ATOH8: variants seen among roughly 807,000 people sequenced by gnomAD.
ATOH8 encodes the protein transcription factor ATOH8.
Under a neutral mutation model 21.2 loss-of-function variants are expected in ATOH8, and 9 were observed. That is an observed-to-expected ratio of 0.42 (90% confidence interval 0.26 to 0.74). The LOEUF (loss-of-function observed/expected upper bound fraction) is 0.74, where lower values mean the gene tolerates loss of function less well. Ranked by LOEUF, ATOH8 falls within the 30% of genes least tolerant of loss-of-function variation. The probability of loss-of-function intolerance (pLI) is 0.24; values close to 1 mark genes in which losing one functional copy is unlikely to be tolerated. For missense variants in ATOH8, 524 were observed against 470.9 expected, an observed-to-expected ratio of 1.11 and a Z score of -1.04; for synonymous variants, 253 against 224.0, an observed-to-expected ratio of 1.13 and a Z score of -1.16.
chr2:85,781,721 A>G (rs1039908770), intron 2 of ATOH8, among the ~76,000 whole-genome samples: 15 of 151,600 alleles, frequency 9.9e-5, no homozygotes, highest in African/African-American at 3.4e-4. Context: ...ACAAAAGATA[A>G]AAAAAAACTA....
intron 2 of ATOH8, among the ~76,000 whole-genome samples, chr2:85,775,587 C>T (rs541048229): frequency 2.0e-4 from 30 of 152,310 alleles, no homozygotes; most frequent in African/African-American, 7.0e-4. Flanking sequence ...TGATCTTTGC[C>T]TCATGGCTGC....
At chr2:85,757,616 G>T (rs1011223857) in intron 1 of ATOH8, among the ~76,000 whole-genome samples, 6 of 152,150 alleles carry the variant, frequency 3.9e-5, no homozygotes, top group African/African-American at 1.2e-4. Flanking sequence ...GCATTGAGTT[G>T]TTCCTCCCCT....
intron 2 of ATOH8, among the ~76,000 whole-genome samples, chr2:85,777,426 G>A (rs908177714): frequency 2.0e-5 from 3 of 152,142 alleles, no homozygotes; most frequent in African/African-American, 7.2e-5. Context: ...AGAAATAGAC[G>A]CATGATAAAG....
At chr2:85,778,481 A>C (rs1348004335) in intron 2 of ATOH8, among the ~76,000 whole-genome samples, 2 of 152,294 alleles carry the variant, frequency 1.3e-5, no homozygotes, top group East Asian at 3.9e-4. Flanking sequence ...CATGGAACGC[A>C]CACTGTTTTT....
Position 85,785,471 on chromosome 2 carries a change from C to G in ATOH8, c.961-1414C>G, listed in dbSNP as rs892183460. On this transcript the variant is annotated intron_variant, in intron 2 of 2. Coordinates refer to ENST00000306279, the MANE Select transcript of ATOH8 (RefSeq NM_032827.7). This position sits in a 1 kb window ranked among gnomAD's most constrained non-coding sequence, Gnocchi z 4.1. ...GAGCCACTATTAGCTGGAGAGCACT[C>G]CCTCCCTCTGGCCCGGCTCCCTCGC... 6.6e-6 allele frequency among the ~76,000 whole-genome samples: 1 copy of G among 152,238 alleles called. No homozygotes were observed. Among genetic ancestry groups the G allele is most frequent in the Non-Finnish European group, 1.5e-5 (1 of 68,048 alleles).
At chr2:85,777,161 G>A (rs1680351171) in intron 2 of ATOH8, among the ~76,000 whole-genome samples, 2 of 152,216 alleles carry the variant, frequency 1.3e-5, no homozygotes, top group Admixed American at 6.5e-5. Context: ...ATAAAACAGA[G>A]GCCCCACCCT....
At position 85,789,850 on chromosome 2, in the gene ATOH8, A is replaced by G. The variant is rs1370544; in HGVS notation, c.*2960A>G. Among the ~76,000 whole-genome samples the G allele has an allele frequency of 0.073, 11,041 of 152,040 alleles. 1,349 individuals are homozygous for G. The highest frequency in any genetic ancestry group is 0.25 in the African/African-American group (10,532 of 41,422). ...GATGTGTGTGTGTGCACACATATGTATGTATGTGGATGACTAAAAGTGCAT... is the reference window on the plus strand; with the variant it reads ...GATGTGTGTGTGTGCACACATATGTGTGTATGTGGATGACTAAAAGTGCAT... On this transcript the variant is annotated 3_prime_UTR_variant, in exon 3 of 3. Coordinates refer to ENST00000306279, the MANE Select transcript of ATOH8 (RefSeq NM_032827.7).
chr2:85,773,152 C>T (rs1053519928), intron 2 of ATOH8: 9 of 299,328 alleles, frequency 3.0e-5, no homozygotes, highest in African/African-American at 1.6e-4. Context: ...TCTGGGAGAC[C>T]GGACACCATG....
intron 2 of ATOH8, among the ~76,000 whole-genome samples, chr2:85,767,456 T>A (rs1680046370): frequency 6.6e-6 from 1 of 151,528 alleles, no homozygotes; most frequent in Non-Finnish European, 1.5e-5. Flanking sequence ...TCCCCACCGT[T>A]CACCCTCTTC....
chr2:85,760,298 T>C (rs550305839), intron 1 of ATOH8, among the ~76,000 whole-genome samples: 41 of 152,210 alleles, frequency 2.7e-4, no homozygotes, highest in African/African-American at 9.1e-4. Flanking sequence ...TGCCTCCTCC[T>C]TTGGCCCGTG....
chr2:85,755,076 A>G, intron 1 of ATOH8, 119 bp downstream of exon 1: 1 of 1,346,710 alleles, frequency 7.4e-7, no homozygotes, highest in East Asian at 2.5e-5. Flanking sequence ...GCCCGGTCCG[A>G]CCCTGGTGCC....
chr2:85,754,575 C>T lies in ATOH8; in HGVS notation c.386C>T (p.Pro129Leu). The part of the protein sequence containing the change: ...PGLPTPPPPP[P>L]PAPQSQAPGG... ...CTCCCCACGCCGCCGCCGCCGCCGC[C>T]TCCTGCGCCCCAGAGCCAGGCACCT... The change falls in exon 1 of 3, where the codon CCT becomes CTT. Residue 129 changes from proline to leucine, a missense_variant. Physicochemically the swap from Pro to Leu is moderately conservative, Grantham distance 98. Transcript: ENST00000306279. 1.4e-6 allele frequency: 2 copies of T among 1,445,728 alleles called. No individual in the cohort carries two copies. The highest frequency in any genetic ancestry group is 2.8e-5 in the East Asian group (1 of 35,336). The allele number at this position is 1,445,728 out of a possible 1,614,324, so 89.6% of individuals were successfully genotyped here. A position where few individuals can be genotyped will look rare whatever the true frequency, so the allele number is the denominator to read the frequency against.
At chr2:85,779,081 C>T (rs1680413893) in intron 2 of ATOH8, among the ~76,000 whole-genome samples, 1 of 151,986 alleles carries the variant, frequency 6.6e-6, no homozygotes. Flanking sequence ...GCCTGGGTGC[C>T]CCCTCCAGCC....
At chr2:85,757,375 C>A (rs999001923) in intron 1 of ATOH8, among the ~76,000 whole-genome samples, 2 of 152,232 alleles carry the variant, frequency 1.3e-5, no homozygotes, top group Non-Finnish European at 2.9e-5. Context: ...ATGTACTCCG[C>A]ACCCCCTCCC....
chr2:85,755,244 G>T, intron 1 of ATOH8, among the ~76,000 whole-genome samples: 1 of 152,210 alleles, frequency 6.6e-6, no homozygotes. Context: ...CACTTTTATG[G>T]CAGCGAGTAT....
intron 2 of ATOH8, chr2:85,783,562 C>G (rs908630139): frequency 6.6e-6 from 1 of 152,350 alleles, no homozygotes; most frequent in African/African-American, 2.4e-5. Flanking sequence ...GAGTGAAACT[C>G]CGTCTCAAAA....
intron 2 of ATOH8, among the ~76,000 whole-genome samples, chr2:85,786,670 G>T (rs1222061431): frequency 2.6e-5 from 4 of 152,218 alleles, no homozygotes; most frequent in Admixed American, 6.5e-5. Flanking sequence ...CCAAAACGCA[G>T]GGCCTCTGAA....
intron 1 of ATOH8, 137 bp downstream of exon 1, chr2:85,755,094 G>T (rs1679647083): frequency 8.3e-7 from 1 of 1,204,464 alleles, no homozygotes; most frequent in Non-Finnish European, 1.1e-6. Context: ...GCCCAGACAG[G>T]TGTGGGCAGT....
At position 85,754,539 on chromosome 2, in the gene ATOH8, T is replaced by C; in HGVS notation, c.350T>C (p.Val117Ala). 7.0e-7 allele frequency: 1 copy of C among 1,430,148 alleles called. No individual in the cohort carries two copies. Among genetic ancestry groups the C allele is most frequent in the South Asian group, 1.5e-5 (1 of 67,278 alleles). The allele number at this position is 1,430,148 out of a possible 1,614,324, so 88.6% of individuals were successfully genotyped here. A position where few individuals can be genotyped will look rare whatever the true frequency, so the allele number is the denominator to read the frequency against. Residue 117 changes from valine (V) to alanine (A), a missense_variant, in exon 1 of 3, where the codon GTG becomes GCG. Transcript: ENST00000306279. The stretch of plus-strand genomic sequence containing the variant: ...AAACGCTGCTTCGCCCTAGGCGCAG[T>C]GGGGCCAGGACTCCCCACGCCGCCG... ...ARKRCFALGA[V>A]GPGLPTPPPP...
Sources: allele counts gnomAD v4.1 joint callset (sites outside exome capture counted in the v4.1 genomes callset), GRCh38; gene constraint gnomAD v4.1.1; non-coding constraint Gnocchi (gnomAD v3.1); transcripts MANE v1.5; gene names NCBI Gene and HGNC (gene_info 2026-07-23, HGNC 2026-07-21).